NELFA: variants seen among roughly 807,000 people sequenced by gnomAD.
NELFA encodes the protein negative elongation factor complex member A.
NELFA carries 35 observed loss-of-function variants against 51.8 expected under a neutral mutation model. The observed-to-expected ratio is 0.68, with a 90% CI of 0.52 to 0.90. The LOEUF is 0.90. Ranked by LOEUF, NELFA falls within the 40% of genes least tolerant of loss-of-function variation. NELFA has a pLI of 0.00. For missense variants in NELFA, 658 were observed against 746.4 expected, an observed-to-expected ratio of 0.88 and a Z score of 1.38; for synonymous variants, 417 against 338.4, an observed-to-expected ratio of 1.23 and a Z score of -2.55.
chr4:1,991,249 G>A (rs1728258888), intron 2 of NELFA, among the ~76,000 whole-genome samples: 1 of 152,220 alleles, frequency 6.6e-6, no homozygotes, highest in Non-Finnish European at 1.5e-5. Context: ...AATGGGCAGA[G>A]CCCCTACCCT....
intron 1 of NELFA, among the ~76,000 whole-genome samples, chr4:1,997,025 A>G (rs1728445439): frequency 6.6e-6 from 1 of 152,146 alleles, no homozygotes; most frequent in Admixed American, 6.6e-5. Flanking sequence ...GAGGCAGGAG[A>G]TCACTTGAGC....
At chr4:1,993,595 GAAAGAAAGAAAAAGA>G (rs1728342137) in intron 1 of NELFA, among the ~76,000 whole-genome samples, 2 of 149,700 alleles carry the variant, frequency 1.3e-5, no homozygotes, top group South Asian at 4.2e-4. Context: ...AAAAAAGAAA[GAAAGAAAGAAAAAGA>G]AAAGAAAGAA....
intron 8 of NELFA, 24 bp from the exon 9 acceptor site, chr4:1,984,137 G>A (rs1180330172): frequency 1.3e-6 from 2 of 1,511,958 alleles, no homozygotes; most frequent in Non-Finnish European, 1.8e-6. Flanking sequence ...GGGGCCTGGT[G>A]AGGGGGCTGG....
chr4:1,994,005 G>T (rs1024969618), intron 1 of NELFA, among the ~76,000 whole-genome samples: 1 of 152,082 alleles, frequency 6.6e-6, no homozygotes, highest in Non-Finnish European at 1.5e-5. Flanking sequence ...AGAGAGCAGG[G>T]GCCCTAACTC....
intron 1 of NELFA, among the ~76,000 whole-genome samples, chr4:2,001,998 A>G (rs1170675926): frequency 6.6e-6 from 1 of 151,824 alleles, no homozygotes; most frequent in African/African-American, 2.4e-5. Flanking sequence ...CAGGAGATCG[A>G]GACCATCCTG....
At chr4:2,003,644 T>C (rs1022210156) in intron 1 of NELFA, among the ~76,000 whole-genome samples, 42 of 152,110 alleles carry the variant, frequency 2.8e-4, no homozygotes, top group African/African-American at 1.0e-3. Flanking sequence ...AACCAAACAT[T>C]GCATGTTCTC....
rs200363469 is a variant in NELFA at position 2,008,737 on chromosome 4, A to C, written c.210+13T>G. The C allele has an allele frequency of 1.0e-3, 1,600 of 1,594,824 alleles. 12 individuals carry two copies. In the African/African-American group the frequency reaches 0.019, roughly 19 times the overall value. ...GGGAATCTGGGGGCCGCGGGGCGCCACGCCTGCCTTACCTCGTCCACCGTG... is the reference window on the plus strand; with the variant it reads ...GGGAATCTGGGGGCCGCGGGGCGCCCCGCCTGCCTTACCTCGTCCACCGTG... On this transcript the variant is annotated intron_variant, in intron 1 of 10. Coordinates refer to ENST00000382882, the MANE Select transcript of NELFA (RefSeq NM_005663.5).
chr4:2,001,551 C>T (rs1299321168), intron 1 of NELFA, among the ~76,000 whole-genome samples: 1 of 152,178 alleles, frequency 6.6e-6, no homozygotes, highest in Non-Finnish European at 1.5e-5. Context: ...CCTAGGAATA[C>T]AGCTAACAAG....
intron 6 of NELFA, 88 bp from the exon 7 acceptor site, chr4:1,985,952 A>C: frequency 7.4e-7 from 1 of 1,357,508 alleles, no homozygotes; most frequent in Non-Finnish European, 1.0e-6. Context: ...ACAGCTTCCC[A>C]GGGGAGGCCA....
Position 1,983,892 on chromosome 4 carries a change from G to C in NELFA, c.1258C>G (p.Gln420Glu). Residue 420 changes from glutamine to glutamate, a missense_variant, in exon 9 of 11, where the codon CAG (glutamine) becomes GAG (glutamate). Transcript: ENST00000382882. ...TTAGGCTGCTGCTGAGCAGGGGCCT[G>C]GGTCTGCGGGGCCACCATGGCAACC... is the stretch of plus-strand genomic sequence containing the variant. ...PPVAMVAPQT[Q>E]APAQQQPKKN... 3 of 1,597,738 alleles carry C rather than the reference G, an allele frequency of 1.9e-6. No homozygotes were observed. The highest frequency in any genetic ancestry group is 2.6e-6 in the Non-Finnish European group (3 of 1,171,604).
At chr4:2,004,432 C>T (rs184084928) in intron 1 of NELFA, among the ~76,000 whole-genome samples, 1 of 152,104 alleles carries the variant, frequency 6.6e-6, no homozygotes. Context: ...CTAAAAACTA[C>T]TGAAGTGTAC....
Position 1,982,975 on chromosome 4 carries a change from A to AAAT in NELFA, c.*341_*343dup, listed in dbSNP as rs1267489576. ...AGGAGGGCACTGCCCCAGCGAGGGA[A>AAAT]AATAGAAAAGATTTTAAAAAGTAAG... On this transcript the variant is annotated 3_prime_UTR_variant, in exon 11 of 11. Coordinates refer to ENST00000382882, the MANE Select transcript of NELFA (RefSeq NM_005663.5). The AAAT allele has an allele frequency of 3.3e-5, 6 of 183,936 alleles. No individual in the cohort carries two copies. In the South Asian group the frequency reaches 3.8e-4, roughly 12 times the overall value. 11.4% of individuals were successfully genotyped at this position (183,936 alleles called of 1,614,324 possible).
chr4:1,991,691 T>A lies in NELFA; in HGVS notation c.235A>T (p.Ile79Phe), dbSNP rs768959622. Residue 79 changes from isoleucine to phenylalanine, a missense_variant, in exon 2 of 11, where the codon ATC becomes TTC. Ile to Phe is a conservative substitution (Grantham distance 21, BLOSUM62 0). Around this residue, in one of 3 missense-constraint regions of NELFA, gnomAD observed 371 missense variants for 448.3 expected, o/e 0.83. Transcript: ENST00000382882. ...TCCGAGTCGAGGCTGGCGAGCTGGA[T>A]GATCTCCATTAGGGCGCCCTTCATC... The part of the protein sequence containing the change: ...DEMKGALMEI[I>F]QLASLDSDPW... 2 of 1,610,728 alleles carry A rather than the reference T, an allele frequency of 1.2e-6. No individual in the cohort carries two copies. The highest frequency in any genetic ancestry group is 1.3e-5 in the African/African-American group (1 of 74,672).
In NELFA at chr4:1,989,286, G is replaced by C. The variant is rs1728203819; in HGVS notation, c.544+422C>G. Among the ~76,000 whole-genome samples, 2 of 151,900 alleles carry C rather than the reference G, an allele frequency of 1.3e-5. No homozygotes were observed. The highest frequency in any genetic ancestry group is 4.2e-4 in the South Asian group (2 of 4,818). On this transcript the variant is annotated intron_variant, in intron 3 of 10. Transcript: ENST00000382882. This position sits in a 1 kb window ranked among gnomAD's most constrained non-coding sequence, Gnocchi z 4.8. ...TTAAAGCATGTTTTCAGAACATAAA[G>C]TTTAATATAGTGATAAACTTCTAAC...
chr4:1,991,975 C>A, intron 1 of NELFA: 1 of 433,902 alleles, frequency 2.3e-6, no homozygotes, highest in East Asian at 4.4e-5. Flanking sequence ...CTCCCAGCAG[C>A]ACCCAGTCCA....
chr4:1,991,803 G>A, intron 1 of NELFA, 88 bp from the exon 2 acceptor site: 1 of 1,388,572 alleles, frequency 7.2e-7, no homozygotes, highest in Non-Finnish European at 9.7e-7. Flanking sequence ...GCACTGGGCA[G>A]TGGCCGGGCT....
chr4:2,007,962 C>T (rs1379716960), intron 1 of NELFA: 1 of 456,762 alleles, frequency 2.2e-6, no homozygotes, highest in East Asian at 6.9e-5. Context: ...AGAAAACAAA[C>T]CTCACACACC....
intron 1 of NELFA, among the ~76,000 whole-genome samples, chr4:1,995,317 C>G (rs1016767630): frequency 6.6e-6 from 1 of 152,176 alleles, no homozygotes; most frequent in Non-Finnish European, 1.5e-5. Context: ...TTCTGTTTCT[C>G]TGGAGAACCC....
chr4:1,989,306 T>A lies in NELFA; in HGVS notation c.544+402A>T, dbSNP rs926203465. Among the ~76,000 whole-genome samples the A allele has an allele frequency of 1.3e-5, 2 of 151,830 alleles. No homozygotes were observed. The highest frequency in any genetic ancestry group is 2.9e-5 in the Non-Finnish European group (2 of 67,970). Reference sequence around the variant, plus strand: ...ATAAAGTTTAATATAGTGATAAACTTCTAACAAAAAACTTTATGCAGAACT... The same window carrying A: ...ATAAAGTTTAATATAGTGATAAACTACTAACAAAAAACTTTATGCAGAACT... On this transcript the variant is annotated intron_variant, in intron 3 of 10. Coordinates refer to ENST00000382882, the MANE Select transcript of NELFA (RefSeq NM_005663.5). The surrounding 1 kb of genome is among the most constrained non-coding windows in gnomAD (Gnocchi z 4.8).
Sources: allele counts gnomAD v4.1 joint callset (sites outside exome capture counted in the v4.1 genomes callset), GRCh38; gene constraint gnomAD v4.1.1; regional missense constraint gnomAD v4.1.1; non-coding constraint Gnocchi (gnomAD v3.1); transcripts MANE v1.5; gene names NCBI Gene and HGNC (gene_info 2026-07-23, HGNC 2026-07-21).